Variants in R3HDM2 observed in about 807,000 individuals in gnomAD.
R3HDM2 encodes the protein R3H domain-containing protein 2.
R3HDM2 carries 38 observed loss-of-function variants against 124.5 expected under a neutral mutation model. The observed-to-expected ratio is 0.31, with a 90% confidence interval of 0.24 to 0.40. The LOEUF is 0.40. Among genes scored for constraint, R3HDM2 ranks in the 10% least tolerant of loss-of-function variants. The pLI is 1.00. For missense variants in R3HDM2, 869 were observed against 1,236.9 expected (o/e 0.70, Z 4.46); for synonymous variants, 391 against 448.0 (o/e 0.87, Z 1.61).
chr12:57,370,301 C>T (rs762072664), intron 2 of R3HDM2, among the ~76,000 whole-genome samples: 2 of 151,792 alleles, frequency 1.3e-5, no homozygotes, highest in Non-Finnish European at 2.9e-5. Context: ...AGTAAGTTTC[C>T]TGAGGCCTCC....
chr12:57,379,655 T>C (rs2138256492), intron 2 of R3HDM2, among the ~76,000 whole-genome samples: 1 of 152,242 alleles, frequency 6.6e-6, no homozygotes, highest in South Asian at 2.1e-4. Context: ...TTCACTGCTA[T>C]ATCCCTTACT....
At chr12:57,430,489 G>GCCCCCCCCCCC in intron 1 of R3HDM2, 3 of 790,570 alleles carry the variant, frequency 3.8e-6, no homozygotes, top group Non-Finnish European at 4.6e-6. Flanking sequence ...CCACCCCCCT[G>GCCCCCCCCCCC]CCCCCGCACC....
At chr12:57,327,893 T>C (rs989391394) in intron 2 of R3HDM2, among the ~76,000 whole-genome samples, 4 of 152,116 alleles carry the variant, frequency 2.6e-5, no homozygotes, top group African/African-American at 9.7e-5. Flanking sequence ...ACTGCTGAAA[T>C]GACAATAAAG....
At chr12:57,341,351 G>A (rs1042710600) in intron 2 of R3HDM2, 5 of 942,810 alleles carry the variant, frequency 5.3e-6, no homozygotes, top group Non-Finnish European at 6.3e-6. Flanking sequence ...ATGGCACCCA[G>A]TTACCAACAT....
At chr12:57,364,241 G>A (rs762105079) in intron 2 of R3HDM2, among the ~76,000 whole-genome samples, 5 of 148,258 alleles carry the variant, frequency 3.4e-5, no homozygotes, top group South Asian at 2.2e-4. Context: ...TTCACCTCCC[G>A]GGCTCAAGCA....
chr12:57,277,108 A>C (rs944637727), intron 14 of R3HDM2, among the ~76,000 whole-genome samples: 13 of 151,820 alleles, frequency 8.6e-5, no homozygotes, highest in South Asian at 4.2e-4. Context: ...ACAAAAAAAA[A>C]AAAAAAAAAG....
chr12:57,404,794 G>A (rs1267555567), intron 1 of R3HDM2, among the ~76,000 whole-genome samples: 1 of 151,930 alleles, frequency 6.6e-6, no homozygotes, highest in Non-Finnish European at 1.5e-5. Context: ...GAGGCAGGAG[G>A]ATCACTTGAA....
rs1226312952 is a variant in R3HDM2 at position 57,427,751 on chromosome 12, A to G, written c.-106+2969T>C. ...AGAAAAGGGGGATAGAGAGTTATGT[A>G]AATGTGTATGCAGGAGGGGCTTTGC... On this transcript the variant is annotated intron_variant, in intron 1 of 23. Transcript: ENST00000402412. Among the ~76,000 whole-genome samples, 9 of 152,064 alleles carry G rather than the reference A, an allele frequency of 5.9e-5. No homozygotes were observed. In the South Asian group the frequency reaches 1.0e-3, roughly 18 times the overall value.
chr12:57,316,551 G>A (rs1055257268), intron 2 of R3HDM2, among the ~76,000 whole-genome samples: 13 of 151,790 alleles, frequency 8.6e-5, no homozygotes, highest in African/African-American at 3.1e-4. Flanking sequence ...ATGGAGGATG[G>A]GGAAGCAGAG....
At chr12:57,335,205 T>A (rs1053092691) in intron 2 of R3HDM2, among the ~76,000 whole-genome samples, 20 of 151,794 alleles carry the variant, frequency 1.3e-4, no homozygotes, top group African/African-American at 4.8e-4. Flanking sequence ...TGTGTCAATC[T>A]CCCATACTTT....
At chr12:57,277,581 G>A (rs2045144403) in intron 14 of R3HDM2, among the ~76,000 whole-genome samples, 1 of 152,102 alleles carries the variant, frequency 6.6e-6, no homozygotes, top group Non-Finnish European at 1.5e-5. Flanking sequence ...CCAAGAAGCT[G>A]GGATTACAGA....
chr12:57,310,272 C>T lies in R3HDM2; in HGVS notation c.157G>A (p.Glu53Lys). The change falls in exon 3 of 24, where the codon GAG becomes AAG. Residue 53 changes from glutamate to lysine, a missense_variant. Transcript: ENST00000402412. ...KECEDTSLRQ[E>K]TQRRTSNHGH... The stretch of plus-strand genomic sequence containing the variant: ...GCATTTCCAATCGTTACCTGTGTCT[C>T]CTGACGCAAACTGGTATCTTCACAT... The T allele has an allele frequency of 6.5e-7, 1 of 1,534,490 alleles. No individual in the cohort carries two copies. Among genetic ancestry groups the T allele is most frequent in the Non-Finnish European group, 8.8e-7 (1 of 1,140,930 alleles).
intron 2 of R3HDM2, among the ~76,000 whole-genome samples, chr12:57,393,113 T>A (rs1413340345): frequency 6.7e-6 from 1 of 148,328 alleles, no homozygotes; most frequent in Admixed American, 6.7e-5. Flanking sequence ...ATTTTTTTTT[T>A]TTTTTCTTCA....
intron 2 of R3HDM2, among the ~76,000 whole-genome samples, chr12:57,383,533 T>A (rs1259690576): frequency 1.3e-5 from 2 of 150,260 alleles, no homozygotes; most frequent in African/African-American, 4.9e-5. Context: ...TGAAACCCCA[T>A]CTCTACAAAA....
At chr12:57,405,610 G>A (rs1318403156) in intron 1 of R3HDM2, among the ~76,000 whole-genome samples, 1 of 152,072 alleles carries the variant, frequency 6.6e-6, no homozygotes, top group Non-Finnish European at 1.5e-5. Context: ...CTACAGCCTC[G>A]GTGACAGAGT....
intron 14 of R3HDM2, among the ~76,000 whole-genome samples, chr12:57,276,334 T>G (rs1197537820): frequency 6.6e-6 from 1 of 152,136 alleles, no homozygotes; most frequent in Non-Finnish European, 1.5e-5. Context: ...TGCATGTTTA[T>G]AGCAGCACGA....
intron 2 of R3HDM2, among the ~76,000 whole-genome samples, chr12:57,361,048 CAAAAA>C (rs35437591): frequency 1.7e-5 from 1 of 60,058 alleles, no homozygotes; most frequent in Non-Finnish European, 2.8e-5. Flanking sequence ...AGACACGTCT[CAAAAA>C]AAAAAAAAAA....
chr12:57,288,392 C>CTA (rs1432811242), intron 12 of R3HDM2, among the ~76,000 whole-genome samples: 3 of 151,698 alleles, frequency 2.0e-5, no homozygotes, highest in African/African-American at 4.8e-5. Context: ...CTCTCTCTCT[C>CTA]TCTCTATATA....
chr12:57,386,397 G>A (rs1189596526), intron 2 of R3HDM2, among the ~76,000 whole-genome samples: 1 of 152,226 alleles, frequency 6.6e-6, no homozygotes, highest in Non-Finnish European at 1.5e-5. Context: ...GGCAGGCTCC[G>A]CACTCGGAGA....
Sources: gnomAD v4.1 joint callset for allele counts (sites outside exome capture counted in the v4.1 genomes callset) on GRCh38, gnomAD v4.1.1 for gene constraint, MANE v1.5 for transcripts, NCBI Gene and HGNC (gene_info 2026-07-23, HGNC 2026-07-21) for gene names.